The following MYO3A variants were observed in gnomAD, a reference collection of about 807,000 sequenced individuals.
MYO3A encodes myosin IIIA.
Under a neutral mutation model 192.7 loss-of-function variants are expected in MYO3A, and 180 were observed. That is an observed-to-expected ratio of 0.93 (90% CI 0.83 to 1.06). The LOEUF is 1.06. Among genes scored for constraint, MYO3A ranks in the 50% least tolerant of loss-of-function variants. MYO3A has a pLI of 0.00. For missense variants in MYO3A, 1,896 were observed against 1,905.0 expected (o/e 1.00, Z 0.09); for synonymous variants, 628 against 645.3 (o/e 0.97, Z 0.41).
At chr10:25,975,262 G>T (rs1423932826) in intron 4 of MYO3A, among the ~76,000 whole-genome samples, 2 of 152,194 alleles carry the variant, frequency 1.3e-5, no homozygotes, top group Non-Finnish European at 2.9e-5. Context: ...AGCCTCAGAA[G>T]ACTGGCCAGA....
chr10:26,097,628 C>T (rs1019107931), intron 17 of MYO3A, among the ~76,000 whole-genome samples: 4 of 150,924 alleles, frequency 2.7e-5, no homozygotes, highest in African/African-American at 4.9e-5. Context: ...TGAGTGAGAA[C>T]ATGCAGTGTT....
chr10:26,122,915 T>G (rs148016409), intron 18 of MYO3A, among the ~76,000 whole-genome samples: 1 of 152,092 alleles, frequency 6.6e-6, no homozygotes, highest in Non-Finnish European at 1.5e-5. Context: ...GGAACAGAAA[T>G]AGACATACAG....
chr10:25,986,990 A>G (rs899684945), intron 4 of MYO3A, among the ~76,000 whole-genome samples: 1 of 152,218 alleles, frequency 6.6e-6, no homozygotes, highest in African/African-American at 2.4e-5. Context: ...CCAAAACAGC[A>G]TGGTACTGAT....
chr10:26,027,513 T>C (rs75807328), intron 10 of MYO3A, among the ~76,000 whole-genome samples: 1 of 152,018 alleles, frequency 6.6e-6, no homozygotes, highest in Admixed American at 6.6e-5. Flanking sequence ...CCTGGCTGAT[T>C]TTTGTATTTT....
At chr10:25,940,693 A>G (rs1836433136) in intron 2 of MYO3A, among the ~76,000 whole-genome samples, 1 of 151,970 alleles carries the variant, frequency 6.6e-6, no homozygotes, top group Admixed American at 6.6e-5. Flanking sequence ...AGATACTTTT[A>G]TGGGTACTTT....
intron 6 of MYO3A, among the ~76,000 whole-genome samples, chr10:26,012,413 A>G (rs1477392766): frequency 6.6e-6 from 1 of 152,174 alleles, no homozygotes; most frequent in Non-Finnish European, 1.5e-5. Context: ...CAAAATCAAT[A>G]TACACAAATC....
At chr10:26,102,450 T>A (rs1837517741) in intron 17 of MYO3A, among the ~76,000 whole-genome samples, 1 of 152,266 alleles carries the variant, frequency 6.6e-6, no homozygotes, top group South Asian at 2.1e-4. Context: ...GGTGAGGAGC[T>A]GCATTCCTTT....
intron 10 of MYO3A, among the ~76,000 whole-genome samples, chr10:26,039,180 A>G (rs564436196): frequency 6.0e-4 from 89 of 148,820 alleles, no homozygotes; most frequent in African/African-American, 1.8e-3. Context: ...AGCTGGGATT[A>G]CAGGCAGGCA....
At chr10:26,157,593 T>C (rs899474359) in intron 26 of MYO3A, 78 bp downstream of exon 26, 1 of 1,489,158 alleles carries the variant, frequency 6.7e-7, no homozygotes, top group African/African-American at 1.4e-5. Flanking sequence ...AAACATAATA[T>C]GAAAAAATCT....
intron 23 of MYO3A, among the ~76,000 whole-genome samples, chr10:26,151,728 T>C (rs1840800229): frequency 6.6e-6 from 1 of 152,184 alleles, no homozygotes; most frequent in Admixed American, 6.5e-5. Flanking sequence ...TTTCTGTTGG[T>C]TATATTGGCT....
chr10:26,005,675 T>A (rs1841151704), intron 6 of MYO3A, among the ~76,000 whole-genome samples: 1 of 152,116 alleles, frequency 6.6e-6, no homozygotes, highest in Admixed American at 6.6e-5. Flanking sequence ...AAGGTTGAAA[T>A]TATGTGTATA....
At chr10:26,150,028 T>TTGTG (rs1840705166) in intron 23 of MYO3A, among the ~76,000 whole-genome samples, 1 of 94,322 alleles carries the variant, frequency 1.1e-5, no homozygotes, top group Non-Finnish European at 2.3e-5. Context: ...TGAATAGTAT[T>TTGTG]CGTGTGTGTG....
chr10:26,018,946 G>A (rs1442504273), intron 7 of MYO3A, among the ~76,000 whole-genome samples: 1 of 152,166 alleles, frequency 6.6e-6, no homozygotes, highest in African/African-American at 2.4e-5. Flanking sequence ...AACAGAATGA[G>A]AAATTCGTAT....
At chr10:26,010,625 G>A (rs1291212285) in intron 6 of MYO3A, among the ~76,000 whole-genome samples, 1 of 151,708 alleles carries the variant, frequency 6.6e-6, no homozygotes, top group Non-Finnish European at 1.5e-5. Context: ...CACCACACTC[G>A]GCTGATTTTT....
intron 10 of MYO3A, among the ~76,000 whole-genome samples, chr10:26,033,424 A>G (rs1842890878): frequency 6.6e-6 from 1 of 152,162 alleles, no homozygotes; most frequent in Non-Finnish European, 1.5e-5. Flanking sequence ...CATTATGCCA[A>G]CCAGAAATCC....
intron 6 of MYO3A, 64 bp from the exon 7 acceptor site, chr10:26,016,756 A>G (rs774074148): frequency 1.6e-5 from 23 of 1,431,776 alleles, no homozygotes; most frequent in Non-Finnish European, 2.2e-5. Context: ...AAAAGATTAT[A>G]GCAATTGAAA....
At chr10:25,963,742 TAGAAC>T (rs1838086588) in intron 4 of MYO3A, among the ~76,000 whole-genome samples, 1 of 152,216 alleles carries the variant, frequency 6.6e-6, no homozygotes, top group African/African-American at 2.4e-5. Flanking sequence ...GTACTTGCAG[TAGAAC>T]AGACAGCCAA....
intron 30 of MYO3A, among the ~76,000 whole-genome samples, chr10:26,175,184 C>T (rs1375988811): frequency 6.6e-6 from 1 of 152,200 alleles, no homozygotes; most frequent in African/African-American, 2.4e-5. Context: ...TAGGGCTTCT[C>T]ATGGGTATAC....
At position 26,155,305 on chromosome 10, in the gene MYO3A, G is replaced by A. The variant is rs373571285; in HGVS notation, c.2793+482G>A. 5.5e-4 allele frequency among the ~76,000 whole-genome samples: 83 copies of A among 152,220 alleles called. No individual in the cohort carries two copies. In the Middle Eastern group the frequency reaches 0.027, roughly 50 times the overall value. ...AGGAGAAGAGTCATCAGGAAGATGCGGTAACGTGCTTAAGAGAGTGTGCTT... is the reference window on the plus strand; with the variant it reads ...AGGAGAAGAGTCATCAGGAAGATGCAGTAACGTGCTTAAGAGAGTGTGCTT... On this transcript the variant is annotated intron_variant, in intron 25 of 34. Coordinates refer to ENST00000642920, the MANE Select transcript of MYO3A (RefSeq NM_017433.5).
Sources: gnomAD v4.1 joint callset for allele counts (sites outside exome capture counted in the v4.1 genomes callset) on GRCh38, gnomAD v4.1.1 for gene constraint, MANE v1.5 for transcripts, NCBI Gene and HGNC (gene_info 2026-07-23, HGNC 2026-07-21) for gene names.